The following DCHS2 variants were observed in gnomAD, a reference collection of about 807,000 sequenced individuals.
The protein encoded by DCHS2 is protocadherin-23.
Under a neutral mutation model 182.4 loss-of-function variants are expected in DCHS2, and 142 were observed. The observed-to-expected ratio is 0.78, with a 90% CI of 0.68 to 0.89. The LOEUF (loss-of-function observed/expected upper bound fraction) is 0.89, where lower values mean the gene tolerates loss of function less well. DCHS2 is among the 40% of genes least tolerant of loss of function. The probability of loss-of-function intolerance (pLI) is 0.00; values close to 1 mark genes in which losing one functional copy is unlikely to be tolerated. For synonymous variants in DCHS2, 1,740 were observed against 1,663.3 expected (o/e 1.05, Z -1.12); for missense variants, 4,319 against 4,198.6 (o/e 1.03, Z -0.79).
At chr4:154,417,600 T>TC (rs1300731320) in intron 1 of DCHS2, among the ~76,000 whole-genome samples, 4 of 152,182 alleles carry the variant, frequency 2.6e-5, no homozygotes, top group African/African-American at 9.7e-5. Context: ...GGGACATGAT[T>TC]ATACTAAAAA....
intron 10 of DCHS2, among the ~76,000 whole-genome samples, chr4:154,315,411 C>A (rs1256232758): frequency 6.6e-6 from 1 of 152,160 alleles, no homozygotes; most frequent in Non-Finnish European, 1.5e-5. Context: ...TCTTCTTCTT[C>A]TTCTCAATGT....
intron 3 of DCHS2, among the ~76,000 whole-genome samples, chr4:154,341,563 T>TA (rs1341982113): frequency 6.6e-6 from 1 of 151,936 alleles, no homozygotes; most frequent in Non-Finnish European, 1.5e-5. Flanking sequence ...ATATACTGTA[T>TA]ATGTATCGTA....
intron 13 of DCHS2, 54 bp from the exon 14 acceptor site, chr4:154,270,067 AAC>A: frequency 1.3e-6 from 2 of 1,543,920 alleles, no homozygotes; most frequent in Non-Finnish European, 1.7e-6. Flanking sequence ...ATTTCATGGA[AAC>A]ACAAGAGAAA....
intron 3 of DCHS2, chr4:154,343,738 C>T: frequency 1.7e-6 from 2 of 1,179,814 alleles, no homozygotes; most frequent in Non-Finnish European, 2.1e-6. Flanking sequence ...ACCACTCAAA[C>T]TTTCTGACTC....
In DCHS2 at chr4:154,491,063, C is replaced by T. The variant is rs1476145811; in HGVS notation, c.293G>A (p.Gly98Glu). The T allele has an allele frequency of 1.2e-5, 18 of 1,551,120 alleles. No individual in the cohort carries two copies. Among genetic ancestry groups the T allele is most frequent in the Non-Finnish European group, 1.6e-5 (18 of 1,146,944 alleles). The change falls in exon 1 of 20, where the codon GGG becomes GAG. Residue 98 changes from glycine to glutamate, a missense_variant. Transcript: ENST00000357232. ...AGLPAAQQQEGSGFFLSEDSD... is the reference protein window; with the variant it reads ...AGLPAAQQQEESGFFLSEDSD... Reference sequence around the variant, plus strand: ...GTCCTCCGACAGAAAGAAGCCGCTCCCCTCCTGCTGCTGCGCGGCCGGCAG... The same window carrying T: ...GTCCTCCGACAGAAAGAAGCCGCTCTCCTCCTGCTGCTGCGCGGCCGGCAG...
chr4:154,352,165 T>C (rs1729650895), intron 3 of DCHS2, among the ~76,000 whole-genome samples: 1 of 152,174 alleles, frequency 6.6e-6, no homozygotes, highest in South Asian at 2.1e-4. Context: ...ATTATCTGTT[T>C]CATTAACTTT....
chr4:154,387,501 A>T (rs1037353473), intron 1 of DCHS2, among the ~76,000 whole-genome samples: 15 of 152,180 alleles, frequency 9.9e-5, no homozygotes, highest in Admixed American at 2.6e-4. Context: ...CATGAGGAAA[A>T]ATCAGGATTG....
At chr4:154,423,268 T>C (rs1438930487) in intron 1 of DCHS2, among the ~76,000 whole-genome samples, 1 of 152,232 alleles carries the variant, frequency 6.6e-6, no homozygotes, top group African/African-American at 2.4e-5. Flanking sequence ...TAGATTTCTG[T>C]ATCCTGGACT....
chr4:154,334,868 T>G lies in DCHS2; in HGVS notation c.2713A>C (p.Asn905His), dbSNP rs1369504247. Residue 905 changes from asparagine to histidine, a missense_variant and splice_region_variant, in exon 4 of 20, where the codon AAC (asparagine) becomes CAC (histidine). By Grantham distance (68) the Asn-to-His change is moderately conservative. Coordinates refer to ENST00000357232, the MANE Select transcript of DCHS2 (RefSeq NM_001358235.2). ...IGTVKAREPL[N>H]SSEPIFYRIS... ...TGCAGCATAAGAAATAAGTACTTAC[T>G]CAAGGGCTCTCTTGCTTTCACTGTT... is the stretch of plus-strand genomic sequence containing the variant. 11 of 1,606,608 alleles carry G rather than the reference T, an allele frequency of 6.8e-6. No individual in the cohort carries two copies. The Admixed American group carries it at 1.8e-4, about 27-fold the overall frequency.
intron 18 of DCHS2, 82 bp downstream of exon 18, chr4:154,240,455 T>G: frequency 6.7e-7 from 1 of 1,491,618 alleles, no homozygotes. Flanking sequence ...TCTGAATTAG[T>G]CTATCGGCGA....
At chr4:154,432,320 T>C (rs1275751870) in intron 1 of DCHS2, among the ~76,000 whole-genome samples, 5 of 152,240 alleles carry the variant, frequency 3.3e-5, no homozygotes, top group East Asian at 1.9e-4. Context: ...TCTACAACTA[T>C]GATTTGTCAA....
rs1728703207 is a variant in DCHS2, at chr4:154,489,366, A to C, written c.1990T>G (p.Trp664Gly). ...ATGGTGGCATTGTACACCTGCCTCC[A>C]GAAGATGGGCTCATTGTCATTCACA... is the stretch of plus-strand genomic sequence containing the variant. Reference protein sequence around the residue: ...DDVNDNEPIFWRQVYNATIAE... With the variant: ...DDVNDNEPIFGRQVYNATIAE... The change falls in exon 1 of 20, where the codon TGG becomes GGG. Residue 664 changes from tryptophan (W) to glycine (G), a missense_variant. Physicochemically the swap from Trp to Gly is radical, Grantham distance 184 (BLOSUM62 -2). Transcript: ENST00000357232. 1 of 1,549,920 alleles carries C rather than the reference A, an allele frequency of 6.5e-7. No homozygotes were observed. The highest frequency in any genetic ancestry group is 2.4e-5 in the East Asian group (1 of 40,834).
At position 154,304,628 on chromosome 4, in the gene DCHS2, TAAAA is replaced by T. The variant is rs550030002; in HGVS notation, c.5605+37_5605+40del. On this transcript the variant is annotated intron_variant, in intron 12 of 19. Transcript: ENST00000357232. ...TGGGTGACAGAGTGAGACTCTGTCT[TAAAA>T]AAACAAACAAACAAACAAACAAACA... 3.3e-3 allele frequency: 4,419 copies of T among 1,345,488 alleles called. 17 individuals carry two copies. The highest frequency in any genetic ancestry group is 7.9e-3 in the South Asian group (554 of 70,496). The allele number at this position is 1,345,488 out of a possible 1,614,324, so 83.3% of individuals were successfully genotyped here.
At chr4:154,392,482 A>G (rs1169653214) in intron 1 of DCHS2, among the ~76,000 whole-genome samples, 6 of 152,208 alleles carry the variant, frequency 3.9e-5, no homozygotes, top group Non-Finnish European at 7.3e-5. Flanking sequence ...GTAAGTTCAC[A>G]ATATAACCTT....
In DCHS2 at chr4:154,490,393, G is replaced by C. The variant is rs1276498437; in HGVS notation, c.963C>G (p.Thr321=). The C allele has an allele frequency of 5.2e-6, 8 of 1,533,228 alleles. No individual in the cohort carries two copies. Among genetic ancestry groups the C allele is most frequent in the Non-Finnish European group, 6.1e-6 (7 of 1,144,492 alleles). The allele number at this position is 1,533,228 out of a possible 1,614,324, so 95.0% of individuals were successfully genotyped here. ...PGAEVCRVRA[T]DRDLGPNGFV... ...AGCCATTGGGCCCCAGGTCGCGGTC[G>C]GTGGCGCGCACGCGACAGACCTCGG... The change falls in exon 1 of 20, where the codon ACC becomes ACG. Residue 321 remains threonine (T), a synonymous_variant. Coordinates refer to ENST00000357232, the MANE Select transcript of DCHS2 (RefSeq NM_001358235.2).
At chr4:154,346,291 G>T (rs1729357627) in intron 3 of DCHS2, among the ~76,000 whole-genome samples, 2 of 152,170 alleles carry the variant, frequency 1.3e-5, no homozygotes, top group Non-Finnish European at 2.9e-5. Context: ...TTTATAGTGT[G>T]TGCTACCAAA....
At chr4:154,280,747 C>A (rs942700189) in intron 13 of DCHS2, among the ~76,000 whole-genome samples, 2 of 151,874 alleles carry the variant, frequency 1.3e-5, no homozygotes, top group African/African-American at 4.8e-5. Context: ...ATCTAAAAAT[C>A]CCACAGCTAA....
chr4:154,388,869 AT>A (rs1731542285), intron 1 of DCHS2, among the ~76,000 whole-genome samples: 1 of 152,160 alleles, frequency 6.6e-6, no homozygotes, highest in South Asian at 2.1e-4. Context: ...CTAAAAAAAA[AT>A]TGTATTTGAT....
intron 1 of DCHS2, among the ~76,000 whole-genome samples, chr4:154,455,397 C>A (rs1036051449): frequency 6.6e-6 from 1 of 152,216 alleles, no homozygotes; most frequent in African/African-American, 2.4e-5. Context: ...AAATTAAATA[C>A]TTCTGTAAAT....
Sources: allele counts gnomAD v4.1 joint callset (sites outside exome capture counted in the v4.1 genomes callset), GRCh38; gene constraint gnomAD v4.1.1; transcripts MANE v1.5; gene names NCBI Gene and HGNC (gene_info 2026-07-23, HGNC 2026-07-21).